SGCZ: variants seen among roughly 807,000 people sequenced by gnomAD.
The protein encoded by SGCZ is sarcoglycan zeta.
Under a neutral mutation model 41.3 loss-of-function variants are expected in SGCZ, and 40 were observed. The ratio of observed to expected loss-of-function variants is 0.97; its 90% CI spans 0.75 to 1.26. The LOEUF (loss-of-function observed/expected upper bound fraction) is 1.26, where lower values mean the gene tolerates loss of function less well. Ranked by LOEUF, SGCZ falls within the 50% of genes most tolerant of loss-of-function variation. The pLI is 0.00. For missense variants in SGCZ, 552 were observed against 369.8 expected, an observed-to-expected ratio of 1.49 and a Z score of -4.04; for synonymous variants, 206 against 137.5, an observed-to-expected ratio of 1.50 and a Z score of -3.49.
At chr8:15,094,104 T>C (rs1806248008) in intron 1 of SGCZ, among the ~76,000 whole-genome samples, 1 of 152,110 alleles carries the variant, frequency 6.6e-6, no homozygotes. Flanking sequence ...TGGAGAGTGA[T>C]ACGGCAGTTG....
intron 5 of SGCZ, among the ~76,000 whole-genome samples, chr8:14,112,594 C>A (rs896941774): frequency 6.6e-6 from 1 of 152,048 alleles, no homozygotes; most frequent in Non-Finnish European, 1.5e-5. Context: ...TCTGTTTCCC[C>A]CAAATCTAAA....
intron 2 of SGCZ, among the ~76,000 whole-genome samples, chr8:14,440,263 G>T (rs975128780): frequency 6.6e-6 from 1 of 151,930 alleles, no homozygotes; most frequent in Non-Finnish European, 1.5e-5. Context: ...TTTGACTTGG[G>T]AAAAATTAAG....
rs375068979 is a variant in SGCZ, at chr8:14,831,630, A to ATGTGTG, written c.40-276705_40-276704insCACACA. ...TGTGTGTGTGTGTACACATAGACAC[A>ATGTGTG]TATGTGTGTGTGTGTATATATATAT... is the stretch of plus-strand genomic sequence containing the variant. On this transcript the variant is annotated intron_variant, in intron 1 of 7. Transcript: ENST00000382080. Among the ~76,000 whole-genome samples the ATGTGTG allele has an allele frequency of 6.6e-4, 89 of 135,134 alleles. 1 individual carries two copies. Among genetic ancestry groups the ATGTGTG allele is most frequent in the Non-Finnish European group, 1.0e-3 (70 of 66,764 alleles). The allele number at this position is 135,134 out of a possible 152,430, so 88.7% of individuals were successfully genotyped here. A position where few individuals can be genotyped will look rare whatever the true frequency, so the allele number is the denominator to read the frequency against.
chr8:14,991,760 CAATCTACTCCCA>C (rs1384024990), intron 1 of SGCZ, among the ~76,000 whole-genome samples: 2 of 151,454 alleles, frequency 1.3e-5, no homozygotes, highest in African/African-American at 4.9e-5. Context: ...CCTCCTCATC[CAATCTACTCCCA>C]AATCTACTCC....
intron 1 of SGCZ, among the ~76,000 whole-genome samples, chr8:14,800,534 T>G (rs1302293729): frequency 6.6e-6 from 1 of 152,176 alleles, no homozygotes. Context: ...AGGAGGGGCC[T>G]GGTGGAAGGT....
At chr8:14,407,830 C>G (rs1799252737) in intron 2 of SGCZ, among the ~76,000 whole-genome samples, 1 of 152,054 alleles carries the variant, frequency 6.6e-6, no homozygotes, top group African/African-American at 2.4e-5. Flanking sequence ...TCATTCTTTC[C>G]AAAGTAGCTC....
chr8:14,123,426 T>C (rs904097609), intron 5 of SGCZ, among the ~76,000 whole-genome samples: 3 of 152,224 alleles, frequency 2.0e-5, no homozygotes, highest in Non-Finnish European at 4.4e-5. Flanking sequence ...AAAATGATCC[T>C]ATAAATGATT....
intron 1 of SGCZ, among the ~76,000 whole-genome samples, chr8:14,714,987 G>A (rs1809641794): frequency 6.6e-6 from 1 of 152,084 alleles, no homozygotes; most frequent in Admixed American, 6.6e-5. Context: ...AAATGCAGTG[G>A]TTTAGCCTTC....
At chr8:14,988,703 A>C (rs959515345) in intron 1 of SGCZ, among the ~76,000 whole-genome samples, 2 of 152,172 alleles carry the variant, frequency 1.3e-5, no homozygotes, top group South Asian at 2.1e-4. Context: ...ATATATTGTC[A>C]ATACATCTTA....
chr8:15,117,849 G>A (rs766746477), intron 1 of SGCZ, among the ~76,000 whole-genome samples: 7 of 152,084 alleles, frequency 4.6e-5, no homozygotes, highest in Non-Finnish European at 8.8e-5. Context: ...AAATCTCCAC[G>A]TATTCAAACA....
At chr8:14,374,641 G>T (rs990461628) in intron 2 of SGCZ, among the ~76,000 whole-genome samples, 6 of 152,154 alleles carry the variant, frequency 3.9e-5, no homozygotes, top group Non-Finnish European at 2.9e-5. Context: ...AATACATAGG[G>T]AGGCCAGACC....
intron 2 of SGCZ, among the ~76,000 whole-genome samples, chr8:14,374,509 T>C (rs945931345): frequency 6.6e-5 from 10 of 152,228 alleles, no homozygotes; most frequent in Non-Finnish European, 1.3e-4. Flanking sequence ...TCATCTTCTG[T>C]GAATGAGACT....
At chr8:15,059,219 G>T (rs1274946568) in intron 1 of SGCZ, among the ~76,000 whole-genome samples, 1 of 151,778 alleles carries the variant, frequency 6.6e-6, no homozygotes, top group African/African-American at 2.4e-5. Flanking sequence ...TATTTTTATT[G>T]CCTTCCTTAA....
intron 1 of SGCZ, among the ~76,000 whole-genome samples, chr8:15,201,837 T>A (rs113164715): frequency 6.0e-4 from 91 of 152,326 alleles, no homozygotes; most frequent in African/African-American, 2.0e-3. Context: ...TTATCTACCC[T>A]GACATCTCTA....
At chr8:14,499,463 C>T (rs993806698) in intron 2 of SGCZ, among the ~76,000 whole-genome samples, 7 of 151,938 alleles carry the variant, frequency 4.6e-5, no homozygotes, top group African/African-American at 1.4e-4. Flanking sequence ...TTATTTGCAA[C>T]ATATATTGCT....
At chr8:14,300,535 C>A (rs1386376147) in intron 3 of SGCZ, among the ~76,000 whole-genome samples, 1 of 151,710 alleles carries the variant, frequency 6.6e-6, no homozygotes, top group East Asian at 1.9e-4. Flanking sequence ...TATTTTGTTG[C>A]CTAAAAATTT....
chr8:14,680,592 T>A (rs1009171290), intron 1 of SGCZ, among the ~76,000 whole-genome samples: 17 of 151,852 alleles, frequency 1.1e-4, no homozygotes, highest in Admixed American at 1.3e-4. Flanking sequence ...AAAAATACAT[T>A]AAAAAGCTCT....
intron 1 of SGCZ, among the ~76,000 whole-genome samples, chr8:14,663,678 C>T (rs1032153112): frequency 6.6e-6 from 1 of 152,110 alleles, no homozygotes; most frequent in African/African-American, 2.4e-5. Context: ...TTTTCACAGG[C>T]TTATAGCCTT....
chr8:14,684,545 T>A (rs1808546544), intron 1 of SGCZ, among the ~76,000 whole-genome samples: 1 of 152,144 alleles, frequency 6.6e-6, no homozygotes, highest in Admixed American at 6.6e-5. Flanking sequence ...CTCAGAGTAT[T>A]CATACTGTAA....
Sources: gnomAD v4.1 joint callset for allele counts (sites outside exome capture counted in the v4.1 genomes callset) on GRCh38, gnomAD v4.1.1 for gene constraint, MANE v1.5 for transcripts, NCBI Gene and HGNC (gene_info 2026-07-23, HGNC 2026-07-21) for gene names.